The following PRKCQ variants were observed in gnomAD, a reference collection of about 807,000 sequenced individuals.
PRKCQ encodes the protein protein kinase C theta.
In PRKCQ, 41 loss-of-function variants were observed where a neutral mutation model predicts 91.2. The observed-to-expected ratio is 0.45, with a 90% CI of 0.35 to 0.58. The LOEUF (loss-of-function observed/expected upper bound fraction) is 0.58, where lower values mean the gene tolerates loss of function less well. Ranked by LOEUF, PRKCQ falls within the 20% of genes least tolerant of loss-of-function variation. The pLI is 0.00. For synonymous variants in PRKCQ, 307 were observed against 316.9 expected, an observed-to-expected ratio of 0.97 and a Z score of 0.33; for missense variants, 673 against 896.5, an observed-to-expected ratio of 0.75 and a Z score of 3.18.
intron 1 of PRKCQ, among the ~76,000 whole-genome samples, chr10:6,551,745 T>C (rs1248479646): frequency 6.6e-6 from 1 of 152,252 alleles, no homozygotes; most frequent in African/African-American, 2.4e-5. Context: ...GTTGATTCCA[T>C]GTCTTTGCTA....
chr10:6,434,682 G>C (rs1219681043), intron 16 of PRKCQ, among the ~76,000 whole-genome samples: 1 of 152,224 alleles, frequency 6.6e-6, no homozygotes, highest in Non-Finnish European at 1.5e-5. Context: ...TGTAGTTGAA[G>C]TTTGTTTAAG....
rs1480400176 is a variant in PRKCQ at position 6,576,170 on chromosome 10, T to G, written c.-10+4041A>C. On this transcript the variant is annotated intron_variant, in intron 1 of 17. Transcript: ENST00000263125. The surrounding 1 kb of genome is among the most constrained non-coding windows in gnomAD (Gnocchi z 4.2). ...TGGCAGTTCCTCAAAAAATTAAACATAGAATTACCCTACGACCCCACAATT... is the reference window on the plus strand; with the variant it reads ...TGGCAGTTCCTCAAAAAATTAAACAGAGAATTACCCTACGACCCCACAATT... Among the ~76,000 whole-genome samples the G allele has an allele frequency of 6.6e-6, 1 of 152,140 alleles. No individual in the cohort carries two copies. Among genetic ancestry groups the G allele is most frequent in the Non-Finnish European group, 1.5e-5 (1 of 68,036 alleles).
At chr10:6,571,322 G>A (rs752770295) in intron 1 of PRKCQ, among the ~76,000 whole-genome samples, 1 of 152,186 alleles carries the variant, frequency 6.6e-6, no homozygotes, top group Non-Finnish European at 1.5e-5. Context: ...CAAGGGAAAC[G>A]CTTTAGTGGA....
intron 1 of PRKCQ, among the ~76,000 whole-genome samples, chr10:6,566,649 C>A (rs1311049283): frequency 6.6e-6 from 1 of 152,126 alleles, no homozygotes; most frequent in Non-Finnish European, 1.5e-5. Context: ...GGGACAACCT[C>A]ATGGGTTCCT....
At chr10:6,496,944 G>C in intron 7 of PRKCQ, 91 bp downstream of exon 7, 1 of 1,173,154 alleles carries the variant, frequency 8.5e-7, no homozygotes, top group South Asian at 1.3e-5. Flanking sequence ...GAGGATGCAA[G>C]TTCTGGCATT....
Position 6,497,217 on chromosome 10 carries a change from T to C in PRKCQ, c.574+3A>G. ...GTAATGCAACCAAAACCCTCTTACT[T>C]ACGTCGGCACTGGTAGCCCTGTTTG... On this transcript the variant is annotated splice_donor_region_variant and intron_variant, in intron 6 of 17. Transcript: ENST00000263125. The surrounding 1 kb of genome is among the most constrained non-coding windows in gnomAD (Gnocchi z 4.5). The C allele has an allele frequency of 6.2e-7, 1 of 1,614,188 alleles. No individual in the cohort carries two copies. Among genetic ancestry groups the C allele is most frequent in the Non-Finnish European group, 8.5e-7 (1 of 1,180,018 alleles).
At chr10:6,538,920 C>G (rs575197156) in intron 1 of PRKCQ, among the ~76,000 whole-genome samples, 1 of 152,152 alleles carries the variant, frequency 6.6e-6, no homozygotes, top group African/African-American at 2.4e-5. Flanking sequence ...CGCCCCACCA[C>G]GCCCAGCTAA....
At chr10:6,460,900 T>TC (rs1588694413) in intron 14 of PRKCQ, among the ~76,000 whole-genome samples, 1 of 95,100 alleles carries the variant, frequency 1.1e-5, no homozygotes, top group African/African-American at 3.2e-5. Context: ...TCCATACCCA[T>TC]CCATCCATCC....
At chr10:6,433,532 G>A (rs1238547456) in intron 16 of PRKCQ, among the ~76,000 whole-genome samples, 5 of 151,840 alleles carry the variant, frequency 3.3e-5, no homozygotes, top group African/African-American at 9.7e-5. Context: ...ATTTTATCTC[G>A]GTTGCCTGTT....
chr10:6,538,676 T>G (rs1353313986), intron 1 of PRKCQ, among the ~76,000 whole-genome samples: 1 of 152,272 alleles, frequency 6.6e-6, no homozygotes, highest in Non-Finnish European at 1.5e-5. Context: ...CAGCTGGTCA[T>G]GGACTCTGGA....
intron 1 of PRKCQ, among the ~76,000 whole-genome samples, chr10:6,568,579 GCTCCAC>G (rs1190463279): frequency 6.7e-6 from 1 of 149,832 alleles, no homozygotes; most frequent in Non-Finnish European, 1.5e-5. Context: ...TTCACTGCAA[GCTCCAC>G]CTCCCAGGTT....
At chr10:6,578,149 G>A (rs12265098) in intron 1 of PRKCQ, among the ~76,000 whole-genome samples, 3,895 of 152,316 alleles carry the variant, frequency 0.026, 156 homozygotes, top group African/African-American at 0.08. Context: ...GATTACAGAA[G>A]GAGCTGAGGT....
chr10:6,552,051 T>G (rs933627538), intron 1 of PRKCQ, among the ~76,000 whole-genome samples: 5 of 152,224 alleles, frequency 3.3e-5, no homozygotes, highest in Non-Finnish European at 7.3e-5. Flanking sequence ...TGGTTTTGAT[T>G]TGCATTTCTC....
intron 16 of PRKCQ, among the ~76,000 whole-genome samples, chr10:6,436,442 T>G (rs1256665707): frequency 6.6e-6 from 1 of 152,190 alleles, no homozygotes; most frequent in Non-Finnish European, 1.5e-5. Context: ...TGGTACCGTG[T>G]GTGTATATAC....
At chr10:6,468,942 T>C (rs1483781853) in intron 12 of PRKCQ, among the ~76,000 whole-genome samples, 1 of 152,232 alleles carries the variant, frequency 6.6e-6, no homozygotes, top group Non-Finnish European at 1.5e-5. Context: ...AGGGGAGCTA[T>C]CGTTCATATT....
intron 1 of PRKCQ, among the ~76,000 whole-genome samples, chr10:6,537,996 A>C (rs1839647693): frequency 1.3e-5 from 2 of 152,224 alleles, no homozygotes; most frequent in Non-Finnish European, 2.9e-5. Context: ...GGCCTCCTGC[A>C]AAACAGGAAG....
chr10:6,432,978 C>G (rs569521795), intron 16 of PRKCQ, among the ~76,000 whole-genome samples: 2 of 152,228 alleles, frequency 1.3e-5, no homozygotes, highest in African/African-American at 4.8e-5. Flanking sequence ...GTGAAACTTT[C>G]TTTGATTACC....
chr10:6,396,374 G>A, the PRKCQ span, among the ~76,000 whole-genome samples: 6 of 152,284 alleles, frequency 3.9e-5, no homozygotes, highest in Middle Eastern at 6.8e-3. Context: ...TGCCATCACA[G>A]TCATATTTCA....
At chr10:6,532,219 C>A (rs557979076) in intron 1 of PRKCQ, among the ~76,000 whole-genome samples, 3 of 152,090 alleles carry the variant, frequency 2.0e-5, no homozygotes, top group Non-Finnish European at 4.4e-5. Flanking sequence ...AGCCAGTGGC[C>A]GGGTGAAATG....
Sources: allele counts gnomAD v4.1 joint callset (sites outside exome capture counted in the v4.1 genomes callset), GRCh38; gene constraint gnomAD v4.1.1; non-coding constraint Gnocchi (gnomAD v3.1); transcripts MANE v1.5; gene names NCBI Gene and HGNC (gene_info 2026-07-23, HGNC 2026-07-21).